Variants in RBM20 observed in about 807,000 individuals in gnomAD.
The protein encoded by RBM20 is RNA binding motif protein 20.
RBM20 carries 51 observed loss-of-function variants against 110.1 expected under a neutral mutation model. The ratio of observed to expected loss-of-function variants is 0.46; its 90% confidence interval spans 0.37 to 0.59. The LOEUF (loss-of-function observed/expected upper bound fraction) is 0.59, where lower values mean the gene tolerates loss of function less well. Ranked by LOEUF, RBM20 falls within the 20% of genes least tolerant of loss-of-function variation. The probability of loss-of-function intolerance (pLI) is 0.00; values close to 1 mark genes in which losing one functional copy is unlikely to be tolerated. For missense variants in RBM20, 1,512 were observed against 1,574.9 expected, an observed-to-expected ratio of 0.96 and a Z score of 0.68; for synonymous variants, 589 against 618.2, an observed-to-expected ratio of 0.95 and a Z score of 0.70.
At chr10:110,833,203 A>G (rs1845078437) in intron 13 of RBM20, among the ~76,000 whole-genome samples, 1 of 151,910 alleles carries the variant, frequency 6.6e-6, no homozygotes, top group Admixed American at 6.6e-5. Context: ...AGCCTGACCA[A>G]CAGTGTGAAA....
intron 1 of RBM20, among the ~76,000 whole-genome samples, chr10:110,737,178 A>AAAAAAAAAC (rs1843679770): frequency 9.0e-6 from 1 of 111,458 alleles, no homozygotes; most frequent in Non-Finnish European, 1.8e-5. Flanking sequence ...ACTCTGCCTC[A>AAAAAAAAAC]AAAAAAAAAA....
At chr10:110,680,444 G>T (rs1862406593) in intron 1 of RBM20, among the ~76,000 whole-genome samples, 3 of 152,306 alleles carry the variant, frequency 2.0e-5, no homozygotes, top group South Asian at 2.1e-4. Flanking sequence ...TCAAAGCTGG[G>T]GGAGGAGGAG....
intron 1 of RBM20, among the ~76,000 whole-genome samples, chr10:110,747,308 T>C: frequency 1.7e-5 from 2 of 117,996 alleles, no homozygotes; most frequent in African/African-American, 6.5e-5. Flanking sequence ...GGGGGGGGGG[T>C]CATTCTGGCA....
At chr10:110,695,648 T>A (rs1419262202) in intron 1 of RBM20, among the ~76,000 whole-genome samples, 1 of 152,200 alleles carries the variant, frequency 6.6e-6, no homozygotes, top group East Asian at 1.9e-4. Context: ...GAGAAACAGA[T>A]GAGTTCGCTG....
chr10:110,820,120 G>A lies in RBM20; in HGVS notation c.2599G>A (p.Gly867Ser), dbSNP rs1218437735. ...EGMEESPQSVGRQEKEAEFSD... is the reference protein window; with the variant it reads ...EGMEESPQSVSRQEKEAEFSD... ...CATGGAAGAAAGCCCTCAATCAGTG[G>A]GCAGACAGGAGAAAGAAGCAGAGTT... Residue 867 changes from glycine to serine, a missense_variant, in exon 10 of 14, where the codon GGC (glycine) becomes AGC (serine). Around this residue, in one of 3 missense-constraint regions of RBM20, gnomAD observed 1,149 missense variants for 1,169.4 expected, o/e 0.98. Transcript: ENST00000369519. The A allele has an allele frequency of 9.0e-6, 14 of 1,551,338 alleles. No homozygotes were observed. The highest frequency in any genetic ancestry group is 1.0e-5 in the Non-Finnish European group (12 of 1,146,854).
chr10:110,820,821 A>G (rs577576917), intron 10 of RBM20, among the ~76,000 whole-genome samples: 3 of 152,130 alleles, frequency 2.0e-5, no homozygotes, highest in Admixed American at 2.0e-4. Context: ...AAAGTTCTAG[A>G]AGGGGCCTAG....
intron 1 of RBM20, among the ~76,000 whole-genome samples, chr10:110,726,757 C>A (rs908470878): frequency 6.6e-6 from 1 of 152,174 alleles, no homozygotes; most frequent in Non-Finnish European, 1.5e-5. Flanking sequence ...TGGTTATAAT[C>A]AAAGTTATGG....
At chr10:110,718,658 C>A (rs1426364681) in intron 1 of RBM20, among the ~76,000 whole-genome samples, 1 of 131,612 alleles carries the variant, frequency 7.6e-6, no homozygotes, top group Non-Finnish European at 1.5e-5. Flanking sequence ...GTTGCCCAGG[C>A]TGGAATGTAG....
intron 7 of RBM20, among the ~76,000 whole-genome samples, chr10:110,809,379 C>T (rs1360596936): frequency 6.6e-6 from 1 of 151,980 alleles, no homozygotes; most frequent in Non-Finnish European, 1.5e-5. Context: ...TGAGATATAA[C>T]TCACATTCCA....
chr10:110,644,592 GCCGCCCCAGCCA>G lies in RBM20; in HGVS notation c.146_157del (p.Gln49_Pro52del). On this transcript the variant is annotated inframe_deletion, in exon 1 of 14. Coordinates refer to ENST00000369519, the MANE Select transcript of RBM20 (RefSeq NM_001134363.3). This position sits in a 1 kb window ranked among gnomAD's most constrained non-coding sequence, Gnocchi z 4.3. ...CGCGAGGGATGCAGCAGCCGCCGCC[GCCGCCCCAGCCA>G]CCGCCCCCGCCCCAAGCCGGCCTAC... 1 of 1,523,554 alleles carries G rather than the reference GCCGCCCCAGCCA, an allele frequency of 6.6e-7. No individual in the cohort carries two copies. The highest frequency in any genetic ancestry group is 1.4e-5 in the African/African-American group (1 of 70,626). The allele number at this position is 1,523,554 out of a possible 1,614,324, so 94.4% of individuals were successfully genotyped here.
chr10:110,801,517 A>G (rs1206705706), intron 7 of RBM20, among the ~76,000 whole-genome samples: 1 of 151,640 alleles, frequency 6.6e-6, no homozygotes, highest in African/African-American at 2.4e-5. Flanking sequence ...GTGGGAGAGT[A>G]TCATGGTTTA....
At chr10:110,773,049 G>T (rs1359263106) in intron 1 of RBM20, among the ~76,000 whole-genome samples, 1 of 152,208 alleles carries the variant, frequency 6.6e-6, no homozygotes, top group Non-Finnish European at 1.5e-5. Flanking sequence ...AATAAGGGCT[G>T]TTGGGCCAGG....
At chr10:110,810,539 A>G in intron 8 of RBM20, 77 bp downstream of exon 8, 2 of 1,033,030 alleles carry the variant, frequency 1.9e-6, no homozygotes, top group Non-Finnish European at 2.9e-6. Context: ...TCTTAGGGGC[A>G]TTTGAGTCAT....
At chr10:110,833,370 C>G (rs187699411) in intron 13 of RBM20, among the ~76,000 whole-genome samples, 9 of 96,842 alleles carry the variant, frequency 9.3e-5, no homozygotes, top group Non-Finnish European at 1.6e-4. Context: ...GCCTGGGTGA[C>G]GGAGCGAAAC....
At chr10:110,662,427 T>G (rs1564808709) in intron 1 of RBM20, among the ~76,000 whole-genome samples, 1 of 152,222 alleles carries the variant, frequency 6.6e-6, no homozygotes, top group African/African-American at 2.4e-5. Context: ...TCAAAGAAAT[T>G]TCCTCGGTCT....
rs1043203066 is a variant in RBM20 at position 110,775,588 on chromosome 10, C to T, written c.192-5213C>T. On this transcript the variant is annotated intron_variant, in intron 1 of 13. Transcript: ENST00000369519. ...TCAAATCCCATCCCCATGCCTGCTG[C>T]CTCCTCTCTCAGCAGTTGCCCACTC... Among the ~76,000 whole-genome samples the T allele has an allele frequency of 7.2e-5, 11 of 152,176 alleles. No individual in the cohort carries two copies. In the South Asian group the frequency reaches 8.3e-4, roughly 11 times the overall value.
At chr10:110,719,189 C>A (rs978582737) in intron 1 of RBM20, among the ~76,000 whole-genome samples, 26 of 152,238 alleles carry the variant, frequency 1.7e-4, no homozygotes, top group African/African-American at 5.8e-4. Context: ...AGACTCCCAC[C>A]TGCAGAGCAG....
At chr10:110,715,920 C>T (rs991429984) in intron 1 of RBM20, among the ~76,000 whole-genome samples, 8 of 152,212 alleles carry the variant, frequency 5.3e-5, no homozygotes, top group Admixed American at 6.5e-5. Context: ...AGGCAGAAAG[C>T]GTAATCCCCC....
At chr10:110,753,026 C>T (rs1237081071) in intron 1 of RBM20, among the ~76,000 whole-genome samples, 1 of 146,088 alleles carries the variant, frequency 6.8e-6, no homozygotes, top group African/African-American at 2.5e-5. Context: ...GCAACCTCTG[C>T]CTCCCGGGTT....
Sources: allele counts gnomAD v4.1 joint callset (sites outside exome capture counted in the v4.1 genomes callset), GRCh38; gene constraint gnomAD v4.1.1; regional missense constraint gnomAD v4.1.1; non-coding constraint Gnocchi (gnomAD v3.1); transcripts MANE v1.5; gene names NCBI Gene and HGNC (gene_info 2026-07-23, HGNC 2026-07-21).